The following PSD3 variants were observed in gnomAD, a reference collection of about 807,000 sequenced individuals.
PSD3 encodes the protein PH and SEC7 domain-containing protein 3.
Under a neutral mutation model 105.5 loss-of-function variants are expected in PSD3, and 49 were observed. The ratio of observed to expected loss-of-function variants is 0.46; its 90% CI spans 0.37 to 0.59. The LOEUF (loss-of-function observed/expected upper bound fraction) is 0.59. PSD3 is among the 20% of genes least tolerant of loss of function. PSD3 has a pLI of 0.00. For missense variants in PSD3, 1,561 were observed against 1,263.8 expected (o/e 1.24, Z -3.57); for synonymous variants, 557 against 457.8 (o/e 1.22, Z -2.77).
intron 1 of PSD3, among the ~76,000 whole-genome samples, chr8:18,975,316 T>A (rs55688830): frequency 0.052 from 404 of 7,754 alleles, 1 homozygote; most frequent in Middle Eastern, 0.36. Context: ...TTTCTGAAAT[T>A]TTTTTTTTTT....
chr8:18,774,823 A>T (rs7841096), intron 8 of PSD3: 214,928 of 447,586 alleles, frequency 0.48, 57,559 homozygotes, highest in Middle Eastern at 0.62. Flanking sequence ...CTTCGGCGAC[A>T]TACATCTGGG....
At chr8:18,571,700 C>G (rs537856154) in intron 14 of PSD3, among the ~76,000 whole-genome samples, 1 of 152,350 alleles carries the variant, frequency 6.6e-6, no homozygotes, top group South Asian at 2.1e-4. Flanking sequence ...TGCTCCCTCT[C>G]TTGCCATGGG....
chr8:18,581,917 G>A (rs1802842752), intron 12 of PSD3, among the ~76,000 whole-genome samples: 1 of 152,150 alleles, frequency 6.6e-6, no homozygotes, highest in South Asian at 2.1e-4. Context: ...TAAGGAAGTG[G>A]CCAGAAAGGA....
Position 18,680,701 on chromosome 8 carries a change from GAA to G in PSD3, c.2173-25018_2173-25017del, listed in dbSNP as rs532692882. On this transcript the variant is annotated intron_variant, in intron 9 of 15. Transcript: ENST00000327040. ...TGGTAAGATTTAAACACAGAATAAA[GAA>G]AAAAAGTCAACACGGAGAAGGGGGT... Among the ~76,000 whole-genome samples, 17 of 152,132 alleles carry G rather than the reference GAA, an allele frequency of 1.1e-4. No homozygotes were observed. The East Asian group carries it at 3.3e-3, about 29-fold the overall frequency.
chr8:18,798,872 A>C (rs35884486), intron 8 of PSD3, among the ~76,000 whole-genome samples: 56,245 of 140,120 alleles, frequency 0.4, 12,992 homozygotes, highest in Middle Eastern at 0.58. Flanking sequence ...AGACTAGATA[A>C]GCTGAGGGGC....
intron 1 of PSD3, chr8:19,000,042 G>T (rs538689450): frequency 2.0e-5 from 3 of 150,626 alleles, no homozygotes; most frequent in African/African-American, 7.3e-5. Flanking sequence ...CAATATGAGA[G>T]GCCAACAACT....
At chr8:19,008,242 A>G (rs1393060377) in intron 1 of PSD3, among the ~76,000 whole-genome samples, 3 of 152,212 alleles carry the variant, frequency 2.0e-5, no homozygotes, top group Admixed American at 6.5e-5. Context: ...AAACATAAAA[A>G]TCTGCCCAAA....
At chr8:18,795,408 A>T (rs1810086656) in intron 8 of PSD3, among the ~76,000 whole-genome samples, 1 of 152,208 alleles carries the variant, frequency 6.6e-6, no homozygotes, top group African/African-American at 2.4e-5. Flanking sequence ...ATACTGGAGA[A>T]CAGAGGGATG....
intron 9 of PSD3, among the ~76,000 whole-genome samples, chr8:18,690,474 C>T (rs932608277): frequency 1.3e-5 from 2 of 152,162 alleles, no homozygotes; most frequent in Non-Finnish European, 2.9e-5. Flanking sequence ...CCAGCTAATA[C>T]TTTTCTAGTC....
At chr8:18,655,791 C>T in intron 9 of PSD3, 106 bp from the exon 10 acceptor site, 1 of 1,066,378 alleles carries the variant, frequency 9.4e-7, no homozygotes. Context: ...GGCACGAAGC[C>T]CCCCTTGTCA....
chr8:18,751,571 G>A (rs992161538), intron 9 of PSD3, among the ~76,000 whole-genome samples: 1 of 150,798 alleles, frequency 6.6e-6, no homozygotes, highest in Non-Finnish European at 1.5e-5. Context: ...ATGATCACCC[G>A]GAGGCGCCAC....
intron 1 of PSD3, among the ~76,000 whole-genome samples, chr8:19,070,521 C>CA (rs895682584): frequency 5.9e-5 from 9 of 151,958 alleles, no homozygotes; most frequent in African/African-American, 1.9e-4. Flanking sequence ...ACTAAAAATA[C>CA]AAAAAAATTA....
intron 1 of PSD3, among the ~76,000 whole-genome samples, chr8:18,980,114 CAT>C (rs1261355820): frequency 6.6e-6 from 1 of 152,224 alleles, no homozygotes; most frequent in Non-Finnish European, 1.5e-5. Context: ...AATGTACACA[CAT>C]GATAAATGCT....
At chr8:18,632,592 A>G in intron 11 of PSD3, 21 bp downstream of exon 11, 1 of 1,579,012 alleles carries the variant, frequency 6.3e-7, no homozygotes, top group South Asian at 1.2e-5. Flanking sequence ...GAAATAGAAA[A>G]TGACAACGCA....
chr8:18,627,604 C>T (rs1806583186), intron 11 of PSD3, among the ~76,000 whole-genome samples: 1 of 151,644 alleles, frequency 6.6e-6, no homozygotes, highest in South Asian at 2.1e-4. Context: ...TAAATAAGTC[C>T]CAGAATAAAG....
At chr8:18,593,500 A>T (rs1803767051) in intron 12 of PSD3, among the ~76,000 whole-genome samples, 1 of 152,154 alleles carries the variant, frequency 6.6e-6, no homozygotes, top group South Asian at 2.1e-4. Context: ...ATGTGGAGAA[A>T]TAGGAACACT....
intron 15 of PSD3, among the ~76,000 whole-genome samples, chr8:18,549,344 G>T (rs1367314573): frequency 1.3e-5 from 2 of 151,996 alleles, no homozygotes; most frequent in South Asian, 2.1e-4. Context: ...ACAACACCTG[G>T]CTAATTTTGT....
intron 1 of PSD3, among the ~76,000 whole-genome samples, chr8:18,959,983 A>G (rs17469059): frequency 0.41 from 61,772 of 151,992 alleles, 12,790 homozygotes; most frequent in African/African-American, 0.43. Context: ...TTGTTTTCAA[A>G]GCACAGTACA....
intron 1 of PSD3, among the ~76,000 whole-genome samples, chr8:19,019,204 T>C (rs1312838313): frequency 6.6e-6 from 1 of 152,122 alleles, no homozygotes; most frequent in Non-Finnish European, 1.5e-5. Flanking sequence ...AACAGATGAG[T>C]TCCCCAGGCT....
Sources: allele counts gnomAD v4.1 joint callset (sites outside exome capture counted in the v4.1 genomes callset), GRCh38; gene constraint gnomAD v4.1.1; transcripts MANE v1.5; gene names NCBI Gene and HGNC (gene_info 2026-07-23, HGNC 2026-07-21).